PLPPR1: variants seen among roughly 807,000 people sequenced by gnomAD.
PLPPR1 encodes the protein phospholipid phosphatase related 1.
PLPPR1 carries 10 observed loss-of-function variants against 33.1 expected under a neutral mutation model. The ratio of observed to expected loss-of-function variants is 0.30; its 90% CI spans 0.19 to 0.51. The LOEUF is 0.51. PLPPR1 is among the 20% of genes least tolerant of loss of function. The pLI, the probability that PLPPR1 is intolerant of heterozygous loss-of-function variation, is 0.97. For synonymous variants in PLPPR1, 151 were observed against 151.0 expected (o/e 1.00, Z 0.00); for missense variants, 304 against 408.1 (o/e 0.74, Z 2.20).
At chr9:101,303,949 T>A (rs963178459) in intron 4 of PLPPR1, among the ~76,000 whole-genome samples, 1 of 152,204 alleles carries the variant, frequency 6.6e-6, no homozygotes, top group African/African-American at 2.4e-5. Context: ...CCCAAGTTCA[T>A]CATGACTTGA....
At chr9:101,260,758 A>G (rs1015324068) in intron 2 of PLPPR1, among the ~76,000 whole-genome samples, 1 of 152,170 alleles carries the variant, frequency 6.6e-6, no homozygotes, top group Non-Finnish European at 1.5e-5. Flanking sequence ...TGGAATCAAT[A>G]TAAGAATGGA....
At chr9:101,061,507 A>C (rs1331954576) in intron 1 of PLPPR1, among the ~76,000 whole-genome samples, 2 of 151,994 alleles carry the variant, frequency 1.3e-5, no homozygotes, top group African/African-American at 4.8e-5. Flanking sequence ...CACAAGTCAC[A>C]TTTTAAACAA....
rs1366480164 is a variant in PLPPR1 at position 101,306,510 on chromosome 9, T to G, written c.386-2701T>G. 6.6e-5 allele frequency among the ~76,000 whole-genome samples: 10 copies of G among 152,212 alleles called. No homozygotes were observed. The East Asian group carries it at 1.9e-3, about 29-fold the overall frequency. On this transcript the variant is annotated intron_variant, in intron 4 of 7. Coordinates refer to ENST00000374874, the MANE Select transcript of PLPPR1 (RefSeq NM_207299.2). The stretch of plus-strand genomic sequence containing the variant: ...TCCAAACCAAGCATATTCAGAATTC[T>G]GAACACAGCCACAGCAATCACAACA...
intron 2 of PLPPR1, among the ~76,000 whole-genome samples, chr9:101,238,203 T>TA (rs574850343): frequency 1.4e-3 from 185 of 136,714 alleles, no homozygotes; most frequent in African/African-American, 4.8e-3. Flanking sequence ...ATATACCCTA[T>TA]ATATATACCT....
At chr9:101,066,112 A>G (rs1279051958) in intron 1 of PLPPR1, among the ~76,000 whole-genome samples, 3 of 152,008 alleles carry the variant, frequency 2.0e-5, no homozygotes, top group African/African-American at 7.2e-5. Flanking sequence ...AGCTTTTCAG[A>G]TATTCCTTAT....
intron 2 of PLPPR1, among the ~76,000 whole-genome samples, chr9:101,199,974 C>T (rs1205687226): frequency 6.6e-6 from 1 of 152,160 alleles, no homozygotes; most frequent in Non-Finnish European, 1.5e-5. Context: ...TGGGAAGGTA[C>T]ACCAGTAGAG....
At chr9:101,053,096 G>A (rs1332322181) in intron 1 of PLPPR1, among the ~76,000 whole-genome samples, 2 of 152,096 alleles carry the variant, frequency 1.3e-5, no homozygotes, top group Non-Finnish European at 2.9e-5. Context: ...ATGTTAAATA[G>A]CCTGATGACA....
intron 1 of PLPPR1, among the ~76,000 whole-genome samples, chr9:101,155,994 A>G (rs1262603397): frequency 2.0e-5 from 3 of 152,220 alleles, no homozygotes; most frequent in African/African-American, 4.8e-5. Context: ...GAGTCAGCCA[A>G]TTAGTCAGCT....
chr9:101,197,348 C>T (rs1370334584), intron 2 of PLPPR1, among the ~76,000 whole-genome samples: 3 of 152,186 alleles, frequency 2.0e-5, no homozygotes, highest in African/African-American at 2.4e-5. Flanking sequence ...TGATGTCTCA[C>T]TGTCACCTGA....
intron 2 of PLPPR1, among the ~76,000 whole-genome samples, chr9:101,228,993 G>T (rs1400499746): frequency 1.4e-5 from 2 of 142,754 alleles, no homozygotes; most frequent in Non-Finnish European, 3.1e-5. Flanking sequence ...GTGTTTCATG[G>T]GTTGGAGCCC....
intron 1 of PLPPR1, among the ~76,000 whole-genome samples, chr9:101,101,066 G>T (rs1309833120): frequency 6.6e-6 from 1 of 152,134 alleles, no homozygotes; most frequent in African/African-American, 2.4e-5. Context: ...TGAGCTTACT[G>T]CTGGAACTTT....
intron 1 of PLPPR1, among the ~76,000 whole-genome samples, chr9:101,070,114 C>G (rs1425628856): frequency 1.3e-5 from 2 of 152,042 alleles, no homozygotes; most frequent in African/African-American, 4.8e-5. Flanking sequence ...CCCTTCCGTA[C>G]TTTGGAAGGA....
At chr9:101,073,677 T>C (rs957208090) in intron 1 of PLPPR1, among the ~76,000 whole-genome samples, 5 of 152,158 alleles carry the variant, frequency 3.3e-5, no homozygotes, top group African/African-American at 4.8e-5. Flanking sequence ...CAATCTACTA[T>C]ATTCTCTGGT....
chr9:101,291,618 G>A (rs10123061), intron 4 of PLPPR1, among the ~76,000 whole-genome samples: 4,058 of 152,320 alleles, frequency 0.027, 203 homozygotes, highest in African/African-American at 0.093. Flanking sequence ...TCAGACAGCA[G>A]CATTCGCAGT....
intron 2 of PLPPR1, among the ~76,000 whole-genome samples, chr9:101,228,234 C>T (rs1232516528): frequency 6.6e-6 from 1 of 152,024 alleles, no homozygotes; most frequent in Non-Finnish European, 1.5e-5. Flanking sequence ...TTGCAAACTC[C>T]CCTCACCCAC....
At chr9:101,259,337 CA>C (rs1348346861) in intron 2 of PLPPR1, among the ~76,000 whole-genome samples, 1 of 152,066 alleles carries the variant, frequency 6.6e-6, no homozygotes, top group East Asian at 1.9e-4. Context: ...TATCCATTAC[CA>C]AAAAATATGG....
chr9:101,214,828 G>C (rs1184963556), intron 2 of PLPPR1, among the ~76,000 whole-genome samples: 1 of 152,050 alleles, frequency 6.6e-6, no homozygotes, highest in Non-Finnish European at 1.5e-5. Context: ...TTCAAGACCA[G>C]CCTGGCCAAC....
In PLPPR1 at chr9:101,249,380, T is replaced by TG. The variant is rs1388399892; in HGVS notation, c.64-20498dup. 3.9e-5 allele frequency among the ~76,000 whole-genome samples: 6 copies of TG among 152,148 alleles called. No homozygotes were observed. In the East Asian group the frequency reaches 9.7e-4, roughly 25 times the overall value. ...TTTTAGAACCTACTATCTAAAAAGG[T>TG]GGTACCACTTGTGTTATCAGGGGTG... On this transcript the variant is annotated intron_variant, in intron 2 of 7. Coordinates refer to ENST00000374874, the MANE Select transcript of PLPPR1 (RefSeq NM_207299.2).
chr9:101,308,336 G>A (rs1828892234), intron 4 of PLPPR1, among the ~76,000 whole-genome samples: 3 of 152,156 alleles, frequency 2.0e-5, no homozygotes, highest in Admixed American at 6.6e-5. Context: ...ATAAGATAAG[G>A]AATGAAGGCA....
Sources: gnomAD v4.1 joint callset for allele counts (sites outside exome capture counted in the v4.1 genomes callset) on GRCh38, gnomAD v4.1.1 for gene constraint, MANE v1.5 for transcripts, NCBI Gene and HGNC (gene_info 2026-07-23, HGNC 2026-07-21) for gene names.